Variants in TBC1D22A observed in about 807,000 individuals in gnomAD.
TBC1D22A encodes putative GTPase activator.
Under a neutral mutation model 60.2 loss-of-function variants are expected in TBC1D22A, and 38 were observed. That is an observed-to-expected ratio of 0.63 (90% CI 0.49 to 0.83). TBC1D22A has a LOEUF of 0.83. TBC1D22A is among the 40% of genes least tolerant of loss of function. The probability of loss-of-function intolerance (pLI) is 0.00; values close to 1 mark genes in which losing one functional copy is unlikely to be tolerated. For missense variants in TBC1D22A, 628 were observed against 701.0 expected (o/e 0.90, Z 1.18); for synonymous variants, 302 against 281.7 (o/e 1.07, Z -0.72).
chr22:47,170,703 T>C (rs2068402648), intron 12 of TBC1D22A, among the ~76,000 whole-genome samples: 1 of 148,886 alleles, frequency 6.7e-6, no homozygotes, highest in African/African-American at 2.5e-5. Flanking sequence ...TCCTGGTGTG[T>C]AACCCTCCTG....
chr22:46,956,916 C>G (rs1346773975), intron 8 of TBC1D22A, among the ~76,000 whole-genome samples: 10 of 152,196 alleles, frequency 6.6e-5, no homozygotes, highest in Admixed American at 6.5e-4. Flanking sequence ...CAGATCCGGC[C>G]TGAACTAAGT....
Position 47,099,562 on chromosome 22 carries a change from C to T in TBC1D22A, c.1330-11946C>T, listed in dbSNP as rs1785895566. On this transcript the variant is annotated intron_variant, in intron 11 of 12. Transcript: ENST00000337137. ...CCGGGTTCAAGCAATTCTCCTGCCT[C>T]AGCCTCCCGAGTAGCTGGGACTACA... 2.0e-5 allele frequency among the ~76,000 whole-genome samples: 3 copies of T among 152,052 alleles called. 1 individual carries two copies. Among genetic ancestry groups the T allele is most frequent in the Non-Finnish European group, 4.4e-5 (3 of 68,020 alleles).
intron 12 of TBC1D22A, among the ~76,000 whole-genome samples, chr22:47,168,260 G>A (rs913141819): frequency 4.7e-5 from 7 of 149,156 alleles, no homozygotes; most frequent in African/African-American, 1.5e-4. Context: ...TGGGGATATA[G>A]GGACACACAG....
intron 10 of TBC1D22A, among the ~76,000 whole-genome samples, chr22:47,020,862 A>ATAATTATTAT (rs1603031704): frequency 1.4e-5 from 2 of 146,842 alleles, no homozygotes. Flanking sequence ...AGGATTATAT[A>ATAATTATTAT]ATAATCCTGT....
intron 10 of TBC1D22A, among the ~76,000 whole-genome samples, chr22:47,012,702 C>T (rs1267899950): frequency 6.6e-6 from 1 of 152,232 alleles, no homozygotes; most frequent in South Asian, 2.1e-4. Context: ...TTTCATCCCA[C>T]TTTTGGACTG....
chr22:46,833,604 A>G (rs956587917), intron 4 of TBC1D22A, among the ~76,000 whole-genome samples: 4 of 152,240 alleles, frequency 2.6e-5, no homozygotes, highest in Non-Finnish European at 1.5e-5. Flanking sequence ...AAGGACGAAT[A>G]TTCAAAGGAA....
At chr22:46,804,407 G>T (rs1300836693) in intron 4 of TBC1D22A, among the ~76,000 whole-genome samples, 2 of 152,240 alleles carry the variant, frequency 1.3e-5, no homozygotes. Context: ...CTAGAGTTGT[G>T]CTTGCTTTTT....
At chr22:47,000,238 G>A (rs960159184) in intron 10 of TBC1D22A, among the ~76,000 whole-genome samples, 2 of 152,182 alleles carry the variant, frequency 1.3e-5, no homozygotes, top group South Asian at 2.1e-4. Context: ...CAGTGGTGGC[G>A]CGAGGATAAG....
intron 12 of TBC1D22A, among the ~76,000 whole-genome samples, chr22:47,145,189 C>A (rs1175319941): frequency 6.6e-6 from 1 of 152,214 alleles, no homozygotes; most frequent in Non-Finnish European, 1.5e-5. Flanking sequence ...CCTGGATCCC[C>A]ACCTGCGTCT....
intron 11 of TBC1D22A, among the ~76,000 whole-genome samples, chr22:47,039,215 A>G (rs777436224): frequency 2.0e-5 from 3 of 152,208 alleles, no homozygotes; most frequent in Admixed American, 6.5e-5. Flanking sequence ...TTGAAATTAA[A>G]TTTTGTCATG....
chr22:46,992,309 C>G (rs978013992), intron 9 of TBC1D22A, among the ~76,000 whole-genome samples: 1 of 152,264 alleles, frequency 6.6e-6, no homozygotes, highest in Non-Finnish European at 1.5e-5. Flanking sequence ...ACGACCCGTC[C>G]GAAACGTTGC....
chr22:46,899,206 G>A (rs12169834), intron 7 of TBC1D22A, among the ~76,000 whole-genome samples: 17,236 of 152,106 alleles, frequency 0.11, 1,614 homozygotes, highest in African/African-American at 0.26. Context: ...CAGCACTTCA[G>A]GAGGCCAAAG....
In TBC1D22A at chr22:46,960,025, G is replaced by A. The variant is rs141098205; in HGVS notation, c.1016-14265G>A. Among the ~76,000 whole-genome samples the A allele has an allele frequency of 2.8e-3, 433 of 152,314 alleles. 4 individuals are homozygous for A. The highest frequency in any genetic ancestry group is 0.01 in the African/African-American group (418 of 41,566). On this transcript the variant is annotated intron_variant, in intron 8 of 12. Coordinates refer to ENST00000337137, the MANE Select transcript of TBC1D22A (RefSeq NM_014346.5). ...AAGAGCCCTGGTTCCTTGTAGCAGA[G>A]GATGGTGTCAAAGACTAACATCTCG...
At chr22:47,053,157 TGC>T (rs2063282622) in intron 11 of TBC1D22A, among the ~76,000 whole-genome samples, 1 of 152,170 alleles carries the variant, frequency 6.6e-6, no homozygotes, top group Admixed American at 6.5e-5. Flanking sequence ...CACTGCTTCC[TGC>T]CCACCACCAG....
At chr22:47,124,010 A>G (rs1171098469) in intron 12 of TBC1D22A, among the ~76,000 whole-genome samples, 1 of 152,148 alleles carries the variant, frequency 6.6e-6, no homozygotes, top group Non-Finnish European at 1.5e-5. Flanking sequence ...GAAACAGGAA[A>G]GAGGACACCA....
Position 46,904,137 on chromosome 22 carries a change from A to ATCTC in TBC1D22A, c.901-7934_901-7933insCTCT, listed in dbSNP as rs1427828970. 9.9e-4 allele frequency among the ~76,000 whole-genome samples: 94 copies of ATCTC among 95,430 alleles called. 2 individuals carry two copies. The Admixed American group carries it at 0.01, about 10-fold the overall frequency. 62.6% of individuals were successfully genotyped at this position (95,430 alleles called of 152,430 possible). A position where few individuals can be genotyped will look rare whatever the true frequency, so the allele number is the denominator to read the frequency against. The stretch of plus-strand genomic sequence containing the variant: ...TATCTATCTATCTATCTATCTATCT[A>ATCTC]TCTATCTACCTACCTACCTACCTAC... On this transcript the variant is annotated intron_variant, in intron 7 of 12. Coordinates refer to ENST00000337137, the MANE Select transcript of TBC1D22A (RefSeq NM_014346.5).
At chr22:46,945,698 A>G (rs1265695924) in intron 8 of TBC1D22A, among the ~76,000 whole-genome samples, 1 of 152,186 alleles carries the variant, frequency 6.6e-6, no homozygotes, top group Non-Finnish European at 1.5e-5. Context: ...GTACAGGAGC[A>G]GGGTTCCCCC....
At chr22:46,862,867 G>C (rs2087979383) in intron 4 of TBC1D22A, among the ~76,000 whole-genome samples, 1 of 152,206 alleles carries the variant, frequency 6.6e-6, no homozygotes, top group Admixed American at 6.5e-5. Flanking sequence ...TGGGAGGAAA[G>C]GGGACAGTCT....
chr22:46,975,094 A>G (rs1043642124), intron 9 of TBC1D22A, among the ~76,000 whole-genome samples: 2 of 152,126 alleles, frequency 1.3e-5, no homozygotes, highest in Admixed American at 6.5e-5. Context: ...AGCTGATACT[A>G]CAGAGGAACA....
Sources: allele counts gnomAD v4.1 joint callset (sites outside exome capture counted in the v4.1 genomes callset), GRCh38; gene constraint gnomAD v4.1.1; transcripts MANE v1.5; gene names NCBI Gene and HGNC (gene_info 2026-07-23, HGNC 2026-07-21).